Variants in DOCK7 observed in about 807,000 individuals in gnomAD.
DOCK7 encodes the protein dedicator of cytokinesis protein 7.
DOCK7 carries 138 observed loss-of-function variants against 271.0 expected under a neutral mutation model. That is an observed-to-expected ratio of 0.51 (90% confidence interval 0.44 to 0.59). The LOEUF (loss-of-function observed/expected upper bound fraction) is 0.59, where lower values mean the gene tolerates loss of function less well. DOCK7 is among the 20% of genes least tolerant of loss of function. The probability of loss-of-function intolerance (pLI) is 0.00; values close to 1 mark genes in which losing one functional copy is unlikely to be tolerated. For synonymous variants in DOCK7, 823 were observed against 876.1 expected (o/e 0.94, Z 1.07); for missense variants, 2,066 against 2,592.4 (o/e 0.80, Z 4.41).
chr1:62,520,371 C>T (rs898117308), intron 31 of DOCK7, among the ~76,000 whole-genome samples: 11 of 152,112 alleles, frequency 7.2e-5, no homozygotes, highest in African/African-American at 2.4e-4. Flanking sequence ...GGGCTAATAT[C>T]CAGAATCTAC....
intron 31 of DOCK7, among the ~76,000 whole-genome samples, chr1:62,516,323 A>T (rs1644660729): frequency 6.6e-6 from 1 of 152,220 alleles, no homozygotes; most frequent in Non-Finnish European, 1.5e-5. Flanking sequence ...ACCTGAGATT[A>T]GTATCCAGAA....
intron 14 of DOCK7, 149 bp from the exon 15 acceptor site, chr1:62,586,773 T>G (rs1019161396): frequency 6.3e-6 from 3 of 475,768 alleles, no homozygotes; most frequent in Admixed American, 4.0e-5. Flanking sequence ...TGACGTTTTA[T>G]TTACTCCTGA....
chr1:62,674,872 T>A (rs1021595792), intron 1 of DOCK7, among the ~76,000 whole-genome samples: 5 of 151,878 alleles, frequency 3.3e-5, no homozygotes, highest in African/African-American at 9.7e-5. Context: ...TAGAAAAAAA[T>A]TCATGACAAT....
chr1:62,543,877 C>A (rs1645615748), intron 23 of DOCK7, 132 bp from the exon 24 acceptor site: 2 of 552,240 alleles, frequency 3.6e-6, no homozygotes, highest in Non-Finnish European at 6.2e-6. Context: ...TTTTATTGCT[C>A]ATCTCATTTT....
rs540864598 is a variant in DOCK7 at position 62,673,927 on chromosome 1, G to C, written c.39-10797C>G. Among the ~76,000 whole-genome samples, 379 of 150,506 alleles carry C rather than the reference G, an allele frequency of 2.5e-3. 1 individual carries two copies. The highest frequency in any genetic ancestry group is 8.7e-3 in the African/African-American group (357 of 40,906). On this transcript the variant is annotated intron_variant, in intron 1 of 49. Transcript: ENST00000635253. ...GGAAGGAAGGAGAGAGGAAGGAAAAGGGAAGGAAGCAAGGAAGGGAGGGGG... is the reference window on the plus strand; with the variant it reads ...GGAAGGAAGGAGAGAGGAAGGAAAACGGAAGGAAGCAAGGAAGGGAGGGGG...
intron 1 of DOCK7, 75 bp from the exon 2 acceptor site, chr1:62,663,205 C>A: frequency 5.6e-6 from 6 of 1,072,138 alleles, no homozygotes; most frequent in South Asian, 1.4e-5. Context: ...TGGAGGGAAG[C>A]TAAATACATT....
At chr1:62,586,649 T>C (rs1274506712) in intron 14 of DOCK7, 25 bp from the exon 15 acceptor site, 2 of 1,400,040 alleles carry the variant, frequency 1.4e-6, no homozygotes, top group South Asian at 1.2e-5. Flanking sequence ...GTATAGATGA[T>C]AGTAAATACA....
At chr1:62,665,472 A>G (rs1659188782) in intron 1 of DOCK7, among the ~76,000 whole-genome samples, 1 of 151,764 alleles carries the variant, frequency 6.6e-6, no homozygotes, top group Non-Finnish European at 1.5e-5. Flanking sequence ...TTAGGAGGCC[A>G]AGGCCAGCAG....
chr1:62,670,219 AC>A (rs1346129853), intron 1 of DOCK7, among the ~76,000 whole-genome samples: 1 of 151,878 alleles, frequency 6.6e-6, no homozygotes, highest in African/African-American at 2.4e-5. Flanking sequence ...GACGAGCGCC[AC>A]CCCCTGCTCC....
chr1:62,625,063 A>G, intron 12 of DOCK7, 196 bp downstream of exon 12: 1 of 438,100 alleles, frequency 2.3e-6, no homozygotes, highest in Non-Finnish European at 3.9e-6. Context: ...ATTTAAATAA[A>G]TATAATGCTA....
chr1:62,631,187 A>C, intron 11 of DOCK7, 53 bp downstream of exon 11: 2 of 1,507,892 alleles, frequency 1.3e-6, no homozygotes, highest in African/African-American at 2.8e-5. Context: ...TCCATCTCAA[A>C]AAAAAAAGAA....
rs139206267 is a variant in DOCK7, at chr1:62,595,942, A to C, written c.1683-9318T>G. On this transcript the variant is annotated intron_variant, in intron 14 of 49. Transcript: ENST00000635253. ...AGACCCTGTCTCTAAAAAAGAAAAG[A>C]AATTTGGAAATGGTTTATTTTGTAT... Among the ~76,000 whole-genome samples, 900 of 152,230 alleles carry C rather than the reference A, an allele frequency of 5.9e-3. 6 individuals carry two copies. Among genetic ancestry groups the C allele is most frequent in the African/African-American group, 0.02 (849 of 41,538 alleles).
At chr1:62,559,299 A>G (rs1646245269) in intron 19 of DOCK7, 79 bp from the exon 20 acceptor site, 1 of 1,016,768 alleles carries the variant, frequency 9.8e-7, no homozygotes, top group South Asian at 1.6e-5. Flanking sequence ...ACGGACCACA[A>G]ACATGTCATA....
At chr1:62,580,553 G>A (rs971940590) in intron 16 of DOCK7, among the ~76,000 whole-genome samples, 3 of 152,122 alleles carry the variant, frequency 2.0e-5, no homozygotes, top group Non-Finnish European at 4.4e-5. Context: ...TAAAAATCAT[G>A]TAATGTGAAG....
At position 62,478,188 on chromosome 1, in the gene DOCK7, T is replaced by C. The variant is rs372435183; in HGVS notation, c.5509-363A>G. Reference sequence around the variant, plus strand: ...AGATGCTTGATATAAACTGTCTTAATTGTACTGATACTAGAGCATACTAGG... The same window carrying C: ...AGATGCTTGATATAAACTGTCTTAACTGTACTGATACTAGAGCATACTAGG... On this transcript the variant is annotated intron_variant, in intron 43 of 49. Transcript: ENST00000635253. 54 of 172,746 alleles carry C rather than the reference T, an allele frequency of 3.1e-4. 3 individuals carry two copies. The East Asian group carries it at 4.3e-3, about 14-fold the overall frequency. The allele number at this position is 172,746 out of a possible 1,614,324, so 10.7% of individuals were successfully genotyped here.
In DOCK7 at chr1:62,636,610, G is replaced by A. The variant is rs912543555; in HGVS notation, c.819-7C>T. Reference sequence around the variant, plus strand: ...TTCAATTTCAATTTCAAACCTTTATGAAGAAAAAGGATAAAATAATTTAAA... The same window carrying A: ...TTCAATTTCAATTTCAAACCTTTATAAAGAAAAAGGATAAAATAATTTAAA... On this transcript the variant is annotated splice_polypyrimidine_tract_variant and splice_region_variant and intron_variant, in intron 7 of 49. Coordinates refer to ENST00000635253, the MANE Select transcript of DOCK7 (RefSeq NM_001367561.1). 1 of 1,577,620 alleles carries A rather than the reference G, an allele frequency of 6.3e-7. No homozygotes were observed. The highest frequency in any genetic ancestry group is 1.4e-5 in the African/African-American group (1 of 73,798).
intron 12 of DOCK7, 100 bp from the exon 13 acceptor site, chr1:62,620,093 G>T: frequency 7.1e-6 from 6 of 847,692 alleles, no homozygotes; most frequent in Non-Finnish European, 9.1e-6. Context: ...GCTGAGGCGG[G>T]CGGATCATAT....
intron 29 of DOCK7, among the ~76,000 whole-genome samples, chr1:62,531,366 G>A (rs1389956199): frequency 1.3e-5 from 2 of 152,096 alleles, no homozygotes; most frequent in African/African-American, 2.4e-5. Flanking sequence ...TACAAGATCT[G>A]TAATATCCTA....
chr1:62,546,254 T>C (rs888412743), intron 22 of DOCK7, among the ~76,000 whole-genome samples: 1 of 152,044 alleles, frequency 6.6e-6, no homozygotes, highest in Non-Finnish European at 1.5e-5. Context: ...GGCCCAGACA[T>C]CAGTATTTTT....
Sources: gnomAD v4.1 joint callset for allele counts (sites outside exome capture counted in the v4.1 genomes callset) on GRCh38, gnomAD v4.1.1 for gene constraint, MANE v1.5 for transcripts, NCBI Gene and HGNC (gene_info 2026-07-23, HGNC 2026-07-21) for gene names.